The following CD3D variants were observed in gnomAD, a reference collection of about 807,000 sequenced individuals.
CD3D encodes the protein CD3 delta subunit of T-cell receptor complex, also known as T-cell surface glycoprotein CD3 delta chain.
Under a neutral mutation model 22.0 loss-of-function variants are expected in CD3D, and 22 were observed. That is an observed-to-expected ratio of 1.00 (90% confidence interval 0.71 to 1.43). The LOEUF (loss-of-function observed/expected upper bound fraction) is 1.43, where lower values mean the gene tolerates loss of function less well. Ranked by LOEUF, CD3D falls within the 40% of genes most tolerant of loss-of-function variation. The pLI is 0.00. For synonymous variants in CD3D, 74 were observed against 81.2 expected (o/e 0.91, Z 0.48); for missense variants, 205 against 211.7 (o/e 0.97, Z 0.20).
At chr11:118,339,667 T>TACCACCA (rs1428082365) in intron 3 of CD3D, 108 bp downstream of exon 3, 1 of 1,575,208 alleles carries the variant, frequency 6.3e-7, no homozygotes, top group Non-Finnish European at 8.6e-7. Flanking sequence ...AGACTAAACC[T>TACCACCA]ACCACCAGCC....
At chr11:118,339,516 A>G (rs1948280241) in intron 3 of CD3D, 22 bp from the exon 4 acceptor site, 1 of 1,613,978 alleles carries the variant, frequency 6.2e-7, no homozygotes, top group African/African-American at 1.3e-5. Flanking sequence ...AGAGAGAGAC[A>G]TCAATGGCCT....
In CD3D at chr11:118,342,647, C is replaced by T. The variant is rs762366475; in HGVS notation, c.-40G>A. The T allele has an allele frequency of 2.5e-6, 4 of 1,587,078 alleles. No individual in the cohort carries two copies. Among genetic ancestry groups the T allele is most frequent in the East Asian group, 2.2e-5 (1 of 44,686 alleles). ...CATCCAGTAGATAAAGCCAGGTCAC[C>T]GAACTATCAGCCTGGGTGAGAGCTG... On this transcript the variant is annotated 5_prime_UTR_variant, in exon 1 of 5. Coordinates refer to ENST00000300692, the MANE Select transcript of CD3D (RefSeq NM_000732.6).
At chr11:118,339,707 GGTAC>G in intron 3 of CD3D, 64 bp downstream of exon 3, 1 of 1,149,380 alleles carries the variant, frequency 8.7e-7, no homozygotes, top group South Asian at 1.3e-5. Context: ...TAAGCTCACT[GGTAC>G]ACACACACAC....
At chr11:118,341,157 T>TG (rs1273279272) in intron 1 of CD3D, among the ~76,000 whole-genome samples, 1 of 152,178 alleles carries the variant, frequency 6.6e-6, no homozygotes, top group African/African-American at 2.4e-5. Context: ...GGAGACCAGC[T>TG]GGTTTACCAG....
chr11:118,339,078 G>A lies in CD3D; in HGVS notation c.*84C>T. The A allele has an allele frequency of 8.1e-7, 1 of 1,241,368 alleles. No homozygotes were observed. The highest frequency in any genetic ancestry group is 2.3e-5 in the East Asian group (1 of 43,168). The allele number at this position is 1,241,368 out of a possible 1,614,324, so 76.9% of individuals were successfully genotyped here. A position where few individuals can be genotyped will look rare whatever the true frequency, so the allele number is the denominator to read the frequency against. ...CTTAAGAAGCCCAGGCACCTGCTGA[G>A]TGAAAGAGGATATATTTATTGGCTG... On this transcript the variant is annotated 3_prime_UTR_variant, in exon 5 of 5. Transcript: ENST00000300692.
At chr11:118,339,249 C>T (rs201961490) in intron 4 of CD3D, 22 bp from the exon 5 acceptor site, 26 of 1,607,032 alleles carry the variant, frequency 1.6e-5, no homozygotes, top group Admixed American at 6.7e-5. Flanking sequence ...GAAGAGAAAA[C>T]GGTCAGGAGG....
At chr11:118,339,319 T>C in intron 4 of CD3D, 92 bp from the exon 5 acceptor site, 1 of 1,481,992 alleles carries the variant, frequency 6.7e-7, no homozygotes, top group Non-Finnish European at 9.4e-7. Context: ...AGCTCCTGCC[T>C]GACCTCTCCA....
At position 118,342,557 on chromosome 11, in the gene CD3D, C is replaced by G. The variant is rs371909040; in HGVS notation, c.51G>C (p.Ser17=). ...ACCCACCTGGAGTAGCCTTACCTTGCGAGAGAAGGGTAGCCAGTACCAGGC... is the reference window on the plus strand; with the variant it reads ...ACCCACCTGGAGTAGCCTTACCTTGGGAGAGAAGGGTAGCCAGTACCAGGC... ...LSGLVLATLL[S]QVSPFKIPIE... Residue 17 remains serine (S), a synonymous_variant, in exon 1 of 5, where the codon TCG becomes TCC. Coordinates refer to ENST00000300692, the MANE Select transcript of CD3D (RefSeq NM_000732.6). 1.4e-5 allele frequency: 22 copies of G among 1,613,308 alleles called. No individual in the cohort carries two copies. The African/African-American group carries it at 2.8e-4, about 21-fold the overall frequency.
chr11:118,339,299 T>C (rs1169034063), intron 4 of CD3D, 72 bp from the exon 5 acceptor site: 5 of 1,531,662 alleles, frequency 3.3e-6, no homozygotes, highest in Non-Finnish European at 4.5e-6. Flanking sequence ...CAGCAGGCCC[T>C]GACGATGAGA....
chr11:118,339,871 C>A lies in CD3D; in HGVS notation c.310G>T (p.Val104Leu). The A allele has an allele frequency of 6.2e-7, 1 of 1,613,952 alleles. No individual in the cohort carries two copies. Among genetic ancestry groups the A allele is most frequent in the Non-Finnish European group, 8.5e-7 (1 of 1,179,978 alleles). Residue 104 changes from valine to leucine, a missense_variant, in exon 3 of 5, where the codon GTG becomes TTG. Coordinates refer to ENST00000300692, the MANE Select transcript of CD3D (RefSeq NM_000732.6). Reference sequence around the variant, plus strand: ...ACATCAGTGACAATGATGCCAGCCACGGTGGCTGGATCCAGCTCCACACAG... The same window carrying A: ...ACATCAGTGACAATGATGCCAGCCAAGGTGGCTGGATCCAGCTCCACACAG... ...QSCVELDPAT[V>L]AGIIVTDVIA...
chr11:118,339,328 C>A lies in CD3D; in HGVS notation c.451-101G>T, dbSNP rs948546637. ...GATGAGAGCTCCTGCCTGACCTCTC[C>A]AGTCACACCCAGCAATGAACTCCCC... is the stretch of plus-strand genomic sequence containing the variant. On this transcript the variant is annotated intron_variant, in intron 4 of 4. Coordinates refer to ENST00000300692, the MANE Select transcript of CD3D (RefSeq NM_000732.6). 5.0e-5 allele frequency: 74 copies of A among 1,470,092 alleles called. 1 individual carries two copies. The highest frequency in any genetic ancestry group is 7.0e-5 in the Non-Finnish European group (74 of 1,049,656). 91.1% of individuals were successfully genotyped at this position (1,470,092 alleles called of 1,614,324 possible).
chr11:118,339,394 C>T, intron 4 of CD3D, 57 bp downstream of exon 4: 1 of 1,591,394 alleles, frequency 6.3e-7, no homozygotes, highest in Non-Finnish European at 8.6e-7. Flanking sequence ...TCAGTGTGAG[C>T]CTCTCTATCC....
At chr11:118,342,516 T>A in intron 1 of CD3D, 37 bp downstream of exon 1, 1 of 1,590,732 alleles carries the variant, frequency 6.3e-7, no homozygotes, top group Non-Finnish European at 8.6e-7. Flanking sequence ...AATGTCCCTC[T>A]CAGGTCCCTT....
chr11:118,339,025 G>A, downstream of CD3D: 1 of 808,802 alleles, frequency 1.2e-6, no homozygotes, highest in Non-Finnish European at 2.2e-6. Flanking sequence ...AAGCAAGTCA[G>A]GACAACTCCC....
chr11:118,339,630 G>T (rs1185771), intron 3 of CD3D, 136 bp from the exon 4 acceptor site: 1 of 1,553,542 alleles, frequency 6.4e-7, no homozygotes, highest in Non-Finnish European at 8.8e-7. Flanking sequence ...GGAGTCTTTA[G>T]GAGATTGCAA....
At position 118,342,617 on chromosome 11, in the gene CD3D, G is replaced by A; in HGVS notation, c.-10C>T. On this transcript the variant is annotated 5_prime_UTR_variant, in exon 1 of 5. Coordinates refer to ENST00000300692, the MANE Select transcript of CD3D (RefSeq NM_000732.6). ...ACGTGCTATGTTCCATCTCCCAGCG[G>A]AACTCATCCAGTAGATAAAGCCAGG... is the stretch of plus-strand genomic sequence containing the variant. The A allele has an allele frequency of 6.2e-7, 1 of 1,613,242 alleles. No individual in the cohort carries two copies. The highest frequency in any genetic ancestry group is 8.5e-7 in the Non-Finnish European group (1 of 1,179,372).
intron 1 of CD3D, among the ~76,000 whole-genome samples, chr11:118,341,868 T>C (rs1948302722): frequency 6.6e-6 from 1 of 152,182 alleles, no homozygotes; most frequent in Non-Finnish European, 1.5e-5. Flanking sequence ...AGGACATGCC[T>C]CCAGGGATGA....
intron 1 of CD3D, 33 bp downstream of exon 1, chr11:118,342,520 G>T: frequency 6.2e-7 from 1 of 1,601,328 alleles, no homozygotes; most frequent in Non-Finnish European, 8.6e-7. Context: ...TCCCTCTCAG[G>T]TCCCTTCCCC....
intron 1 of CD3D, chr11:118,341,081 T>C (rs770918848): frequency 1.5e-4 from 59 of 401,772 alleles, no homozygotes; most frequent in Middle Eastern, 1.1e-3. Context: ...CCCTGCTCCA[T>C]TGACAACCAA....
Sources: allele counts gnomAD v4.1 joint callset (sites outside exome capture counted in the v4.1 genomes callset), GRCh38; gene constraint gnomAD v4.1.1; transcripts MANE v1.5; gene names NCBI Gene and HGNC (gene_info 2026-07-23, HGNC 2026-07-21).